The following SNX29 variants were observed in gnomAD, a reference collection of about 807,000 sequenced individuals.
SNX29 encodes the protein sorting nexin-29.
Under a neutral mutation model 102.1 loss-of-function variants are expected in SNX29, and 78 were observed. That is an observed-to-expected ratio of 0.76 (90% CI 0.64 to 0.92). SNX29 has a LOEUF of 0.92. Among genes scored for constraint, SNX29 ranks in the 40% least tolerant of loss-of-function variants. The pLI, the probability that SNX29 is intolerant of heterozygous loss-of-function variation, is 0.00. For missense variants in SNX29, 1,280 were observed against 1,061.7 expected (o/e 1.21, Z -2.86); for synonymous variants, 580 against 414.5 (o/e 1.40, Z -4.85).
chr16:12,423,311 G>A (rs1045471846), intron 18 of SNX29, among the ~76,000 whole-genome samples: 5 of 152,106 alleles, frequency 3.3e-5, no homozygotes, highest in African/African-American at 4.8e-5. Context: ...ACAGCTGCCT[G>A]ATGGCTCACA....
At chr16:12,278,486 C>G (rs1322045162) in intron 15 of SNX29, among the ~76,000 whole-genome samples, 3 of 151,750 alleles carry the variant, frequency 2.0e-5, no homozygotes, top group Admixed American at 6.6e-5. Context: ...AAAAAAAAAC[C>G]AAAACATTTT....
At chr16:12,385,380 A>G (rs1346324736) in intron 16 of SNX29, among the ~76,000 whole-genome samples, 1 of 152,156 alleles carries the variant, frequency 6.6e-6, no homozygotes, top group African/African-American at 2.4e-5. Context: ...TTCATAGAGG[A>G]TCTTGATTGT....
chr16:12,385,811 G>T (rs764325921), intron 16 of SNX29, among the ~76,000 whole-genome samples: 2 of 152,218 alleles, frequency 1.3e-5, no homozygotes, highest in Non-Finnish European at 2.9e-5. Flanking sequence ...CCACATAACA[G>T]ATACAGAAAG....
intron 20 of SNX29, among the ~76,000 whole-genome samples, chr16:12,532,337 AG>A (rs1278593267): frequency 6.6e-6 from 1 of 152,218 alleles, no homozygotes; most frequent in Non-Finnish European, 1.5e-5. Flanking sequence ...CCTTGCTAGC[AG>A]GTGCCTGTGT....
chr16:12,204,037 TCAA>T (rs1760651464), intron 14 of SNX29, among the ~76,000 whole-genome samples: 1 of 152,216 alleles, frequency 6.6e-6, no homozygotes, highest in Admixed American at 6.5e-5. Context: ...TAGTACACAA[TCAA>T]CAAGAATTCT....
At chr16:12,074,574 C>T (rs1369550971) in intron 10 of SNX29, among the ~76,000 whole-genome samples, 1 of 152,144 alleles carries the variant, frequency 6.6e-6, no homozygotes, top group East Asian at 1.9e-4. Context: ...GTAACCCGAC[C>T]TTTCTCTCTG....
chr16:12,342,416 C>A (rs1360624251), intron 15 of SNX29, among the ~76,000 whole-genome samples: 1 of 152,024 alleles, frequency 6.6e-6, no homozygotes, highest in East Asian at 1.9e-4. Flanking sequence ...TGTGTAGAAA[C>A]AATGGCTGCC....
rs369015533 is a variant in SNX29, at chr16:12,063,366, C to CTTTTTTTT, written c.1243+1739_1243+1746dup. On this transcript the variant is annotated intron_variant, in intron 9 of 20. Coordinates refer to ENST00000566228, the MANE Select transcript of SNX29 (RefSeq NM_032167.5). ...CCCACCTCTTCTTTTCCTAGTCCATCTTTTTTTTTTTTTTTTTTTTTTTTT... is the reference window on the plus strand; with the variant it reads ...CCCACCTCTTCTTTTCCTAGTCCATCTTTTTTTTTTTTTTTTTTTTTTTTTTTTTTTTT... Among the ~76,000 whole-genome samples, 203 of 55,382 alleles carry CTTTTTTTT rather than the reference C, an allele frequency of 3.7e-3. 34 individuals are homozygous for CTTTTTTTT. The highest frequency in any genetic ancestry group is 9.0e-3 in the African/African-American group (125 of 13,910). 36.3% of individuals were successfully genotyped at this position (55,382 alleles called of 152,430 possible).
chr16:12,544,622 C>T (rs371179402), intron 20 of SNX29, among the ~76,000 whole-genome samples: 1 of 152,334 alleles, frequency 6.6e-6, no homozygotes, highest in South Asian at 2.1e-4. Flanking sequence ...TGCGTCATGC[C>T]TTGGGATCGG....
chr16:12,542,513 GGA>G (rs1231850382), intron 20 of SNX29, among the ~76,000 whole-genome samples: 1 of 152,176 alleles, frequency 6.6e-6, no homozygotes. Flanking sequence ...TGTATTTTTA[GGA>G]GAGGCAGGGT....
At chr16:12,024,724 A>G (rs1248425054) in intron 3 of SNX29, among the ~76,000 whole-genome samples, 5 of 152,192 alleles carry the variant, frequency 3.3e-5, no homozygotes, top group Non-Finnish European at 7.3e-5. Context: ...GGTTTTATCT[A>G]GAGCTGGCTG....
At chr16:12,344,817 C>G (rs12598866) in intron 15 of SNX29, among the ~76,000 whole-genome samples, 7,788 of 152,300 alleles carry the variant, frequency 0.051, 668 homozygotes, top group East Asian at 0.38. Flanking sequence ...CCTTCTAACT[C>G]CCAGGTCTTG....
chr16:12,381,578 C>T (rs1187044233), intron 16 of SNX29, among the ~76,000 whole-genome samples: 1 of 90,974 alleles, frequency 1.1e-5, no homozygotes, highest in Non-Finnish European at 2.2e-5. Flanking sequence ...CCATCATCCA[C>T]CCACCCACTC....
intron 8 of SNX29, among the ~76,000 whole-genome samples, chr16:12,057,936 G>A (rs924496235): frequency 6.6e-6 from 1 of 151,576 alleles, no homozygotes; most frequent in African/African-American, 2.4e-5. Flanking sequence ...TCCTGCCTCA[G>A]CCTCCCAAGT....
At chr16:12,562,099 C>G (rs1180293091) in intron 20 of SNX29, among the ~76,000 whole-genome samples, 2 of 152,308 alleles carry the variant, frequency 1.3e-5, no homozygotes, top group African/African-American at 2.4e-5. Flanking sequence ...AACCGCATTT[C>G]TAAGGCCGTT....
At chr16:12,269,391 A>AT (rs759386925) in intron 14 of SNX29, among the ~76,000 whole-genome samples, 5 of 152,222 alleles carry the variant, frequency 3.3e-5, no homozygotes, top group Non-Finnish European at 7.3e-5. Flanking sequence ...CTCCAGTGAG[A>AT]TTTTGATGTG....
intron 19 of SNX29, among the ~76,000 whole-genome samples, chr16:12,510,553 G>T (rs1192286156): frequency 6.6e-6 from 1 of 152,054 alleles, no homozygotes; most frequent in Admixed American, 6.5e-5. Context: ...CCGGCCTGTA[G>T]TCCCAGCTAC....
At chr16:12,218,316 A>C (rs564217912) in intron 14 of SNX29, among the ~76,000 whole-genome samples, 3 of 146,772 alleles carry the variant, frequency 2.0e-5, no homozygotes, top group Admixed American at 6.7e-5. Context: ...TAATCACACA[A>C]ATCTACTCCA....
At chr16:12,346,739 A>G (rs146665100) in intron 15 of SNX29, among the ~76,000 whole-genome samples, 1 of 152,144 alleles carries the variant, frequency 6.6e-6, no homozygotes. Context: ...ACCACCAGGA[A>G]GGTGTTGGCT....
Sources: gnomAD v4.1 joint callset for allele counts (sites outside exome capture counted in the v4.1 genomes callset) on GRCh38, gnomAD v4.1.1 for gene constraint, MANE v1.5 for transcripts, NCBI Gene and HGNC (gene_info 2026-07-23, HGNC 2026-07-21) for gene names.